The following ARHGEF9 variants were observed in gnomAD, a reference collection of about 807,000 sequenced individuals.
ARHGEF9 encodes the protein Cdc42 guanine nucleotide exchange factor 9.
A neutral mutation model predicts 41.3 loss-of-function variants in ARHGEF9; 2 were observed. The ratio of observed to expected loss-of-function variants is 0.05; its 90% CI spans 0.02 to 0.15. The LOEUF is 0.15. ARHGEF9 is among the 10% of genes least tolerant of loss of function. The pLI is 1.00. For missense variants in ARHGEF9, 225 were observed against 424.7 expected (o/e 0.53, Z 4.13); for synonymous variants, 160 against 154.4 (o/e 1.04, Z -0.27).
intron 1 of ARHGEF9, among the ~76,000 whole-genome samples, chrX:63,784,593 A>T (rs1322244844): frequency 2.7e-5 from 3 of 111,955 alleles, no homozygotes; most frequent in African/African-American, 9.7e-5. Context: ...AGAGAGAGAG[A>T]GTGGCTCTCT....
chrX:63,751,308 A>AAGATTAAGAG (rs1300023614), intron 1 of ARHGEF9, among the ~76,000 whole-genome samples: 8 of 111,429 alleles, frequency 7.2e-5, no homozygotes, highest in Admixed American at 4.7e-4. Context: ...AAGAAGGAGA[A>AAGATTAAGAG]AGATTAAGAG....
intron 1 of ARHGEF9, among the ~76,000 whole-genome samples, chrX:63,757,826 A>G (rs1569505439): frequency 1.8e-5 from 2 of 111,860 alleles, no homozygotes; most frequent in Admixed American, 9.5e-5. Context: ...TTAAGGATCC[A>G]CTCCTTCTAG....
intron 2 of ARHGEF9, among the ~76,000 whole-genome samples, chrX:63,711,741 T>A (rs1465809596): frequency 9.0e-6 from 1 of 111,591 alleles, no homozygotes; most frequent in South Asian, 3.7e-4. Flanking sequence ...TAGACAATAG[T>A]TTCTTAGATA....
intron 1 of ARHGEF9, among the ~76,000 whole-genome samples, chrX:63,769,751 C>T (rs1483625770): frequency 2.7e-5 from 3 of 112,427 alleles, no homozygotes; most frequent in Non-Finnish European, 3.8e-5. Flanking sequence ...GTGCAAGGCC[C>T]GAGCCTTGGC....
In ARHGEF9 at chrX:63,784,666, G is replaced by A. The variant is rs782121198; in HGVS notation, c.30+450C>T. ...GCAGAAAATCTAGTTGGGGGCAGGG[G>A]GGAGTCATGCAGCTCTCCCATAAGG... is the stretch of plus-strand genomic sequence containing the variant. On this transcript the variant is annotated intron_variant, in intron 1 of 9. Transcript: ENST00000671741. 2.7e-5 allele frequency among the ~76,000 whole-genome samples: 3 copies of A among 111,440 alleles called. No individual in the cohort carries two copies. In the East Asian group the frequency reaches 8.6e-4, roughly 32 times the overall value.
chrX:63,785,159 TC>T lies in ARHGEF9; in HGVS notation c.-15del, dbSNP rs2056441817. 4.3e-6 allele frequency: 5 copies of T among 1,161,921 alleles called. No homozygotes were observed. Among genetic ancestry groups the T allele is most frequent in the Non-Finnish European group, 5.7e-6 (5 of 870,539 alleles). On this transcript the variant is annotated 5_prime_UTR_variant, in exon 1 of 10. Coordinates refer to ENST00000671741, the MANE Select transcript of ARHGEF9 (RefSeq NM_001353921.2). ...TATCCACTGCATGGTGCTTGCGAAGTCCGGCTTCTCTGAGGCCCCGTAGCTG... is the reference window on the plus strand; with the variant it reads ...TATCCACTGCATGGTGCTTGCGAAGTCGGCTTCTCTGAGGCCCCGTAGCTG...
chrX:63,758,500 T>C (rs1556448327), intron 1 of ARHGEF9, among the ~76,000 whole-genome samples: 2 of 113,026 alleles, frequency 1.8e-5, no homozygotes, highest in African/African-American at 6.4e-5. Flanking sequence ...AATTCTGTAG[T>C]GTGGCATAAA....
intron 5 of ARHGEF9, among the ~76,000 whole-genome samples, chrX:63,675,968 T>C (rs1405681698): frequency 8.9e-6 from 1 of 111,948 alleles, no homozygotes; most frequent in Middle Eastern, 4.7e-3. Context: ...AATCTCTCAG[T>C]ACCATTTTTT....
chrX:63,656,233 C>G (rs2048869363), intron 7 of ARHGEF9, among the ~76,000 whole-genome samples: 1 of 111,080 alleles, frequency 9.0e-6, no homozygotes, highest in Non-Finnish European at 1.9e-5. Context: ...GGGTCTAACA[C>G]TTAGCACTCT....
intron 7 of ARHGEF9, among the ~76,000 whole-genome samples, chrX:63,662,378 G>A (rs782358779): frequency 1.8e-4 from 20 of 112,023 alleles, no homozygotes; most frequent in African/African-American, 6.1e-4. Context: ...TCTCTGTCCT[G>A]TGCAATCCTC....
chrX:63,733,266 C>T (rs1278722247), intron 1 of ARHGEF9, among the ~76,000 whole-genome samples: 1 of 111,828 alleles, frequency 8.9e-6, no homozygotes, highest in East Asian at 2.8e-4. Flanking sequence ...AAATTGTTTA[C>T]ATAATATGTA....
At chrX:63,754,656 A>G in intron 1 of ARHGEF9, 5 of 995,580 alleles carry the variant, frequency 5.0e-6, no homozygotes, top group Non-Finnish European at 6.3e-6. Flanking sequence ...GTTCTGTCAG[A>G]CTGTCCATAC....
At chrX:63,775,059 G>C (rs111940257) in intron 1 of ARHGEF9, among the ~76,000 whole-genome samples, 3,183 of 112,084 alleles carry the variant, frequency 0.028, 112 homozygotes, top group African/African-American at 0.098. Context: ...ATGTGGCCAA[G>C]AAGCATATGA....
intron 1 of ARHGEF9, among the ~76,000 whole-genome samples, chrX:63,778,345 T>C (rs368175409): frequency 1.8e-5 from 2 of 112,190 alleles, no homozygotes; most frequent in East Asian, 5.6e-4. Flanking sequence ...CCTTACAAAG[T>C]AGCAAGGCCC....
chrX:63,776,617 AG>A (rs1371723098), intron 1 of ARHGEF9, among the ~76,000 whole-genome samples: 3 of 111,841 alleles, frequency 2.7e-5, no homozygotes, highest in Non-Finnish European at 5.6e-5. Flanking sequence ...ATTATCCCCA[AG>A]GTCATCCAAC....
At chrX:63,752,322 A>G (rs1367577626) in intron 1 of ARHGEF9, among the ~76,000 whole-genome samples, 3 of 109,411 alleles carry the variant, frequency 2.7e-5, no homozygotes, top group African/African-American at 1.0e-4. Flanking sequence ...ACCGAGGAGG[A>G]AAAAAATTGT....
In ARHGEF9 at chrX:63,706,280, T is replaced by C; in HGVS notation, c.380A>G (p.Lys127Arg). The stretch of plus-strand genomic sequence containing the variant: ...TACCTCACAAATATCCTTGAGGTGC[T>C]TGATGTAGTGACGCTCAGTGCTCAT... ...EIMSTERHYI[K>R]HLKDICEGYL... The change falls in exon 3 of 10, where the codon AAG (lysine) becomes AGG (arginine). Residue 127 changes from lysine (K) to arginine (R), a missense_variant. This residue lies in a region of ARHGEF9 where 114 missense variants were observed against 197.9 expected (regional missense o/e 0.58). Transcript: ENST00000671741. 2 of 1,204,582 alleles carry C rather than the reference T, an allele frequency of 1.7e-6. No homozygotes were observed. Among genetic ancestry groups the C allele is most frequent in the Non-Finnish European group, 2.2e-6 (2 of 891,800 alleles).
chrX:63,669,850 A>T (rs1183542747), intron 6 of ARHGEF9, among the ~76,000 whole-genome samples: 3 of 111,982 alleles, frequency 2.7e-5, no homozygotes, highest in Non-Finnish European at 5.6e-5. Flanking sequence ...TCCCTACTGG[A>T]ATATAAATCA....
intron 7 of ARHGEF9, among the ~76,000 whole-genome samples, chrX:63,665,181 C>T (rs1556346234): frequency 8.9e-6 from 1 of 112,028 alleles, no homozygotes; most frequent in African/African-American, 3.2e-5. Flanking sequence ...TAAGAGTATC[C>T]CATAAGGAGG....
Sources: gnomAD v4.1 joint callset for allele counts (sites outside exome capture counted in the v4.1 genomes callset) on GRCh38, gnomAD v4.1.1 for gene constraint, gnomAD v4.1.1 regional missense constraint, MANE v1.5 for transcripts, NCBI Gene and HGNC (gene_info 2026-07-23, HGNC 2026-07-21) for gene names.